The following KCNH7 variants were observed in gnomAD, a reference collection of about 807,000 sequenced individuals.
KCNH7 encodes potassium voltage-gated channel subfamily H member 7.
Under a neutral mutation model 120.8 loss-of-function variants are expected in KCNH7, and 49 were observed. The ratio of observed to expected loss-of-function variants is 0.41; its 90% confidence interval spans 0.32 to 0.51. KCNH7 has a LOEUF of 0.51. Among genes scored for constraint, KCNH7 ranks in the 20% least tolerant of loss-of-function variants. The pLI is 0.38. For missense variants in KCNH7, 1,097 were observed against 1,446.6 expected, an observed-to-expected ratio of 0.76 and a Z score of 3.92; for synonymous variants, 547 against 516.1, an observed-to-expected ratio of 1.06 and a Z score of -0.81.
chr2:162,486,779 T>C (rs1259505519), intron 6 of KCNH7, among the ~76,000 whole-genome samples: 1 of 152,208 alleles, frequency 6.6e-6, no homozygotes, highest in Non-Finnish European at 1.5e-5. Flanking sequence ...TATCAATGGA[T>C]GTCTAGTATC....
intron 6 of KCNH7, among the ~76,000 whole-genome samples, chr2:162,503,732 T>C (rs1690768608): frequency 6.6e-6 from 1 of 152,072 alleles, no homozygotes; most frequent in Admixed American, 6.6e-5. Context: ...GAGTAAATTG[T>C]TTGTAAAAGA....
At chr2:162,639,949 C>A (rs551450866) in intron 2 of KCNH7, among the ~76,000 whole-genome samples, 8 of 152,150 alleles carry the variant, frequency 5.3e-5, no homozygotes, top group African/African-American at 1.9e-4. Flanking sequence ...AAATGTAACA[C>A]CATTTCCAAT....
At chr2:162,732,254 C>A (rs529224796) in intron 2 of KCNH7, among the ~76,000 whole-genome samples, 1 of 152,110 alleles carries the variant, frequency 6.6e-6, no homozygotes, top group African/African-American at 2.4e-5. Context: ...AGGGGACATT[C>A]GACTCATGAC....
intron 5 of KCNH7, among the ~76,000 whole-genome samples, chr2:162,508,117 A>G (rs764105622): frequency 6.6e-6 from 1 of 151,596 alleles, no homozygotes; most frequent in African/African-American, 2.4e-5. Context: ...GAAATAGGTT[A>G]AATTATCTCT....
At chr2:162,439,171 T>A (rs1406292038) in intron 7 of KCNH7, among the ~76,000 whole-genome samples, 3 of 152,140 alleles carry the variant, frequency 2.0e-5, no homozygotes, top group African/African-American at 7.2e-5. Context: ...ATATAATAAA[T>A]GTAACTATCC....
In KCNH7 at chr2:162,676,933, T is replaced by C. The variant is rs188422271; in HGVS notation, c.308-139853A>G. Among the ~76,000 whole-genome samples the C allele has an allele frequency of 1.3e-4, 20 of 151,622 alleles. 1 individual carries two copies. The highest frequency in any genetic ancestry group is 7.9e-4 in the Admixed American group (12 of 15,166). ...GATATCATTTACGAAAAAAATTTGC[T>C]AACTTAGCTTAAATGTAGAAATGAT... On this transcript the variant is annotated intron_variant, in intron 2 of 15. Transcript: ENST00000332142.
chr2:162,420,718 A>T (rs1252806742), intron 9 of KCNH7, among the ~76,000 whole-genome samples: 1 of 152,166 alleles, frequency 6.6e-6, no homozygotes, highest in Non-Finnish European at 1.5e-5. Flanking sequence ...CTTCATTTGG[A>T]CATGGTTGAA....
chr2:162,394,960 A>C (rs989127084), intron 11 of KCNH7, among the ~76,000 whole-genome samples: 7 of 151,866 alleles, frequency 4.6e-5, no homozygotes, highest in African/African-American at 9.7e-5. Flanking sequence ...ATTAAATATG[A>C]AGATGATGAG....
intron 2 of KCNH7, among the ~76,000 whole-genome samples, chr2:162,728,223 G>A (rs375568216): frequency 6.6e-6 from 1 of 151,096 alleles, no homozygotes; most frequent in Non-Finnish European, 1.5e-5. Flanking sequence ...TTATCACTGT[G>A]ATTTTAAGTT....
At chr2:162,723,717 C>A (rs189388495) in intron 2 of KCNH7, among the ~76,000 whole-genome samples, 38 of 152,140 alleles carry the variant, frequency 2.5e-4, no homozygotes, top group Admixed American at 4.6e-4. Context: ...ATATTTAAAA[C>A]CCAAATGTAA....
chr2:162,671,177 C>CA (rs1685340006), intron 2 of KCNH7, among the ~76,000 whole-genome samples: 1 of 151,828 alleles, frequency 6.6e-6, no homozygotes, highest in African/African-American at 2.4e-5. Context: ...TCTCTTAAAA[C>CA]AAAAAAGAGA....
chr2:162,542,595 G>A (rs1420249628), intron 2 of KCNH7, among the ~76,000 whole-genome samples: 4 of 151,612 alleles, frequency 2.6e-5, no homozygotes, highest in Non-Finnish European at 5.9e-5. Flanking sequence ...ATTTTTTATG[G>A]CTGCACAATA....
chr2:162,729,895 A>G (rs1447796348), intron 2 of KCNH7, among the ~76,000 whole-genome samples: 1 of 152,072 alleles, frequency 6.6e-6, no homozygotes, highest in Non-Finnish European at 1.5e-5. Flanking sequence ...TTTTTTCTTC[A>G]TCTCCTGAGA....
At chr2:162,687,328 T>A (rs927878623) in intron 2 of KCNH7, among the ~76,000 whole-genome samples, 20 of 152,110 alleles carry the variant, frequency 1.3e-4, no homozygotes, top group Non-Finnish European at 2.9e-4. Flanking sequence ...TTTTCAGGAC[T>A]TTTGCAGGAC....
rs71009366 is a variant in KCNH7, at chr2:162,694,477, A to AGTGTGTGTGTGTGT, written c.307+142046_307+142059dup. On this transcript the variant is annotated intron_variant, in intron 2 of 15. Transcript: ENST00000332142. ...TGGTGCGTGTGGGTATGTGTGAAAG[A>AGTGTGTGTGTGTGT]GTGTGTGTGTGTGTGTGTGTGTGTG... 5.3e-3 allele frequency among the ~76,000 whole-genome samples: 777 copies of AGTGTGTGTGTGTGT among 146,386 alleles called. 5 individuals carry two copies. The highest frequency in any genetic ancestry group is 0.016 in the African/African-American group (658 of 40,260).
At chr2:162,800,156 T>TTA (rs1302947895) in intron 2 of KCNH7, among the ~76,000 whole-genome samples, 1 of 151,708 alleles carries the variant, frequency 6.6e-6, no homozygotes, top group African/African-American at 2.4e-5. Context: ...GAAGAAGGAC[T>TTA]TATGGTGAAG....
chr2:162,497,457 C>G (rs186426101), intron 6 of KCNH7, among the ~76,000 whole-genome samples: 1 of 152,068 alleles, frequency 6.6e-6, no homozygotes, highest in Non-Finnish European at 1.5e-5. Flanking sequence ...GCAATGATAG[C>G]TTTGTAGGCT....
At position 162,435,596 on chromosome 2, in the gene KCNH7, G is replaced by T; in HGVS notation, c.1556C>A (p.Thr519Lys). 1 of 1,579,318 alleles carries T rather than the reference G, an allele frequency of 6.3e-7. No homozygotes were observed. Among genetic ancestry groups the T allele is most frequent in the Non-Finnish European group, 8.6e-7 (1 of 1,162,230 alleles). ...CTTCAAAAGACCAATTAATGTTGTTGTCTGTAGAAATAAATGTACACAGTC... is the reference window on the plus strand; with the variant it reads ...CTTCAAAAGACCAATTAATGTTGTTTTCTGTAGAAATAAATGTACACAGTC... ...LLIFGSGSDE[T>K]TTLIGLLKTA... Residue 519 changes from threonine to lysine, a missense_variant and splice_region_variant, in exon 8 of 16, where the codon ACA (threonine) becomes AAA (lysine). Coordinates refer to ENST00000332142, the MANE Select transcript of KCNH7 (RefSeq NM_033272.4).
intron 12 of KCNH7, among the ~76,000 whole-genome samples, chr2:162,387,680 C>T (rs755676520): frequency 4.7e-4 from 71 of 151,640 alleles, no homozygotes; most frequent in Middle Eastern, 3.4e-3. Context: ...GTGGACAGTT[C>T]GTCTCCTCCC....
Sources: gnomAD v4.1 joint callset for allele counts (sites outside exome capture counted in the v4.1 genomes callset) on GRCh38, gnomAD v4.1.1 for gene constraint, MANE v1.5 for transcripts, NCBI Gene and HGNC (gene_info 2026-07-23, HGNC 2026-07-21) for gene names.